The following NLRP9 variants were observed in gnomAD, a reference collection of about 807,000 sequenced individuals.
NLRP9 encodes the protein NACHT, LRR and PYD domains-containing protein 9.
In NLRP9, 88 loss-of-function variants were observed where a neutral mutation model predicts 83.1. That is an observed-to-expected ratio of 1.06 (90% CI 0.89 to 1.26). The LOEUF (loss-of-function observed/expected upper bound fraction) is 1.26, where lower values mean the gene tolerates loss of function less well. Among genes scored for constraint, NLRP9 ranks in the 50% most tolerant of loss-of-function variants. The pLI is 0.00. For missense variants in NLRP9, 1,308 were observed against 1,179.3 expected (o/e 1.11, Z -1.60); for synonymous variants, 521 against 447.6 (o/e 1.16, Z -2.07).
chr19:55,710,768 C>T (rs780839945), intron 8 of NLRP9, among the ~76,000 whole-genome samples: 1 of 152,100 alleles, frequency 6.6e-6, no homozygotes, highest in Non-Finnish European at 1.5e-5. Flanking sequence ...ATGCATAAGC[C>T]AATTAAACCT....
intron 2 of NLRP9, among the ~76,000 whole-genome samples, chr19:55,731,385 A>C (rs1988564211): frequency 6.6e-6 from 1 of 151,310 alleles, no homozygotes; most frequent in Non-Finnish European, 1.5e-5. Flanking sequence ...GAAGAAAAGG[A>C]AAGAAAGAGA....
At chr19:55,709,103 C>G in intron 8 of NLRP9, 59 bp from the exon 9 acceptor site, 1 of 1,262,874 alleles carries the variant, frequency 7.9e-7, no homozygotes, top group Non-Finnish European at 1.1e-6. Context: ...AGTATTGCCT[C>G]TCTACATTCT....
Position 55,716,918 on chromosome 19 carries a change from C to T in NLRP9, c.2160-20G>A, listed in dbSNP as rs1160314026. 3 of 1,607,252 alleles carry T rather than the reference C, an allele frequency of 1.9e-6. No homozygotes were observed. Among genetic ancestry groups the T allele is most frequent in the Non-Finnish European group, 1.7e-6 (2 of 1,174,366 alleles). Reference sequence around the variant, plus strand: ...CCCAGTCTACATGTGAAACACACACCATGAGACGGACCAAAGCTTTCAATC... The same window carrying T: ...CCCAGTCTACATGTGAAACACACACTATGAGACGGACCAAAGCTTTCAATC... On this transcript the variant is annotated intron_variant, in intron 4 of 8. Coordinates refer to ENST00000332836, the MANE Select transcript of NLRP9 (RefSeq NM_176820.4).
Position 55,715,167 on chromosome 19 carries a change from A to C in NLRP9, c.2389T>G (p.Cys797Gly), listed in dbSNP as rs1397589061. ...SCDSISEVLL[C>G]SKSLSLLDLG... ...TCGAGGAGGGACAGGGACTTACTGC[A>C]CAAGAGGACTTCGGAAATGGAGTCA... Residue 797 changes from cysteine to glycine, a missense_variant, in exon 6 of 9, where the codon TGC becomes GGC. Coordinates refer to ENST00000332836, the MANE Select transcript of NLRP9 (RefSeq NM_176820.4). 6.2e-7 allele frequency: 1 copy of C among 1,613,432 alleles called. No homozygotes were observed. Among genetic ancestry groups the C allele is most frequent in the East Asian group, 2.2e-5 (1 of 44,868 alleles).
chr19:55,711,315 T>C (rs1408208148), intron 8 of NLRP9: 1 of 957,980 alleles, frequency 1.0e-6, no homozygotes, highest in South Asian at 4.0e-5. Context: ...AAAAAATTCA[T>C]CCTACAGATT....
chr19:55,721,289 T>C (rs1252881988), intron 4 of NLRP9, among the ~76,000 whole-genome samples: 1 of 152,192 alleles, frequency 6.6e-6, no homozygotes, highest in Non-Finnish European at 1.5e-5. Flanking sequence ...TAATAATCTT[T>C]CAATAAAAAG....
intron 5 of NLRP9, among the ~76,000 whole-genome samples, chr19:55,715,598 C>T (rs1474864538): frequency 1.3e-5 from 2 of 152,132 alleles, no homozygotes; most frequent in African/African-American, 4.8e-5. Context: ...GCAGGAGAAT[C>T]GCTTGAACCC....
intron 3 of NLRP9, among the ~76,000 whole-genome samples, chr19:55,726,630 G>A (rs976785471): frequency 3.3e-5 from 5 of 152,094 alleles, no homozygotes; most frequent in Non-Finnish European, 7.4e-5. Flanking sequence ...TTTTTCTCAA[G>A]TATAACTTCT....
At position 55,716,960 on chromosome 19, in the gene NLRP9, C is replaced by T. The variant is rs754511490; in HGVS notation, c.2160-62G>A. 296 of 1,396,782 alleles carry T rather than the reference C, an allele frequency of 2.1e-4. 2 individuals carry two copies. Among genetic ancestry groups the T allele is most frequent in the Non-Finnish European group, 2.9e-4 (285 of 989,362 alleles). The allele number at this position is 1,396,782 out of a possible 1,614,324, so 86.5% of individuals were successfully genotyped here. ...CTTTCAATCGCTCATGAAACATTATCCACAGACCAAACGACACCTCTGATT... is the reference window on the plus strand; with the variant it reads ...CTTTCAATCGCTCATGAAACATTATTCACAGACCAAACGACACCTCTGATT... On this transcript the variant is annotated intron_variant, in intron 4 of 8. Coordinates refer to ENST00000332836, the MANE Select transcript of NLRP9 (RefSeq NM_176820.4).
chr19:55,713,594 CCTCCTCT>C (rs1568593401), intron 6 of NLRP9, among the ~76,000 whole-genome samples: 42 of 87,894 alleles, frequency 4.8e-4, no homozygotes, highest in Middle Eastern at 7.1e-3. Context: ...CTCCCCTCCT[CCTCCTCT>C]CCCTCCTCCC....
chr19:55,716,856 G>T lies in NLRP9; in HGVS notation c.2202C>A (p.Ile734=). The change falls in exon 5 of 9, where the codon ATC becomes ATA. Residue 734 remains isoleucine, a synonymous_variant. Coordinates refer to ENST00000332836, the MANE Select transcript of NLRP9 (RefSeq NM_176820.4). ...CDISSEVCED[I]ASVLACNSKL... Reference sequence around the variant, plus strand: ...TGCTGTTGCAGGCCAGGACGGAGGCGATGTCTTCACAAACTTCACTGGAGA... The same window carrying T: ...TGCTGTTGCAGGCCAGGACGGAGGCTATGTCTTCACAAACTTCACTGGAGA... 6.2e-7 allele frequency: 1 copy of T among 1,613,748 alleles called. No homozygotes were observed. Among genetic ancestry groups the T allele is most frequent in the Non-Finnish European group, 8.5e-7 (1 of 1,179,866 alleles).
intron 3 of NLRP9, among the ~76,000 whole-genome samples, chr19:55,724,648 G>C (rs1448920997): frequency 6.6e-6 from 1 of 151,842 alleles, no homozygotes; most frequent in African/African-American, 2.4e-5. Context: ...TCAGGCTCCA[G>C]AGTTACAGGA....
Position 55,732,078 on chromosome 19 carries a change from G to A in NLRP9, c.1753C>T (p.Leu585=), listed in dbSNP as rs371803489. The change falls in exon 2 of 9, where the codon CTG becomes TTG. Residue 585 remains leucine (L), a synonymous_variant. Transcript: ENST00000332836. ...IEHLVIASFC[L]KHCQHLTTLR... Reference sequence around the variant, plus strand: ...GTCGTTAAATGTTGACAATGCTTCAGGCAGAATGAAGCTATTACCAAATGT... The same window carrying A: ...GTCGTTAAATGTTGACAATGCTTCAAGCAGAATGAAGCTATTACCAAATGT... The A allele has an allele frequency of 4.4e-6, 7 of 1,609,160 alleles. No homozygotes were observed. The South Asian group carries it at 4.4e-5, about 10-fold the overall frequency.
rs1180499673 is a variant in NLRP9, at chr19:55,723,211, G to A, written c.2159+769C>T. On this transcript the variant is annotated intron_variant, in intron 4 of 8. Coordinates refer to ENST00000332836, the MANE Select transcript of NLRP9 (RefSeq NM_176820.4). ...TGGAAATCACCCAGTTAGGACAGGG[G>A]CTGCTCTGACAATGTTCAAGAGGAA... 2.6e-5 allele frequency among the ~76,000 whole-genome samples: 4 copies of A among 152,150 alleles called. No individual in the cohort carries two copies. In the East Asian group the frequency reaches 5.8e-4, roughly 22 times the overall value.
At chr19:55,721,018 G>GA (rs2122303671) in intron 4 of NLRP9, among the ~76,000 whole-genome samples, 1 of 152,334 alleles carries the variant, frequency 6.6e-6, no homozygotes, top group East Asian at 1.9e-4. Flanking sequence ...GTGTTGGGGA[G>GA]AAAACGGGAC....
intron 3 of NLRP9, among the ~76,000 whole-genome samples, chr19:55,724,883 C>T (rs1988352299): frequency 6.6e-6 from 1 of 151,938 alleles, no homozygotes; most frequent in Non-Finnish European, 1.5e-5. Context: ...CAAGGCGAAA[C>T]CCCGTCTCTA....
chr19:55,708,999 C>T lies in NLRP9; in HGVS notation c.2889G>A (p.Met963Ile). The change falls in exon 9 of 9, where the codon ATG (methionine) becomes ATA (isoleucine). Residue 963 changes from methionine to isoleucine, a missense_variant. Met to Ile is a conservative substitution (Grantham distance 10). Coordinates refer to ENST00000332836, the MANE Select transcript of NLRP9 (RefSeq NM_176820.4). ...GATGGGGAATTTTTTCTTCCACAGA[C>T]ATCAGGATCTTCTGAGTTTCTTCAT... is the stretch of plus-strand genomic sequence containing the variant. Reference protein sequence around the residue: ...GFDEETQKILMSVEEKIPHLT... With the variant: ...GFDEETQKILISVEEKIPHLT... The T allele has an allele frequency of 6.3e-7, 1 of 1,589,198 alleles. No individual in the cohort carries two copies. Among genetic ancestry groups the T allele is most frequent in the Non-Finnish European group, 8.5e-7 (1 of 1,171,156 alleles).
chr19:55,712,306 G>T, intron 7 of NLRP9, 114 bp downstream of exon 7: 1 of 875,404 alleles, frequency 1.1e-6, no homozygotes, highest in Non-Finnish European at 1.8e-6. Context: ...ATATCAGATC[G>T]TCCCAGAGGG....
At chr19:55,726,922 C>T (rs1236693101) in intron 3 of NLRP9, among the ~76,000 whole-genome samples, 2 of 151,994 alleles carry the variant, frequency 1.3e-5, no homozygotes, top group African/African-American at 2.4e-5. Context: ...ACCAAACTGT[C>T]TCTATCATTT....
Sources: allele counts gnomAD v4.1 joint callset (sites outside exome capture counted in the v4.1 genomes callset), GRCh38; gene constraint gnomAD v4.1.1; transcripts MANE v1.5; gene names NCBI Gene and HGNC (gene_info 2026-07-23, HGNC 2026-07-21).